NRXN2: variants seen among roughly 807,000 people sequenced by gnomAD.
The protein encoded by NRXN2 is neurexin 2.
Under a neutral mutation model 128.8 loss-of-function variants are expected in NRXN2, and 29 were observed. The observed-to-expected ratio is 0.23, with a 90% CI of 0.17 to 0.31. The LOEUF is 0.31. Among genes scored for constraint, NRXN2 ranks in the 10% least tolerant of loss-of-function variants. The pLI, the probability that NRXN2 is intolerant of heterozygous loss-of-function variation, is 1.00. For missense variants in NRXN2, 1,881 were observed against 2,452.6 expected (o/e 0.77, Z 4.92); for synonymous variants, 1,098 against 1,075.2 (o/e 1.02, Z -0.41).
At chr11:64,645,997 GA>G (rs2046599015) in intron 17 of NRXN2, among the ~76,000 whole-genome samples, 1 of 152,180 alleles carries the variant, frequency 6.6e-6, no homozygotes, top group Non-Finnish European at 1.5e-5. Context: ...ACGTGCCATA[GA>G]AACAGAGCAT....
Position 64,667,210 on chromosome 11 carries a change from G to T in NRXN2, c.1798+40C>A. ...GAGGATGTCAGGGCAGATGGAAAGG[G>T]GTGGCCCATGGAAGGGGAAGGGTCC... On this transcript the variant is annotated intron_variant, in intron 9 of 22. Coordinates refer to ENST00000265459, the MANE Select transcript of NRXN2 (RefSeq NM_015080.4). The surrounding 1 kb of genome is among the most constrained non-coding windows in gnomAD (Gnocchi z 5.6). 1.2e-6 allele frequency: 2 copies of T among 1,600,206 alleles called. No individual in the cohort carries two copies. Among genetic ancestry groups the T allele is most frequent in the Non-Finnish European group, 1.7e-6 (2 of 1,168,058 alleles).
In NRXN2 at chr11:64,630,372, G is replaced by A; in HGVS notation, c.3757+30C>T. 7.3e-7 allele frequency: 1 copy of A among 1,377,302 alleles called. No individual in the cohort carries two copies. Among genetic ancestry groups the A allele is most frequent in the Non-Finnish European group, 9.7e-7 (1 of 1,030,944 alleles). The allele number at this position is 1,377,302 out of a possible 1,614,324, so 85.3% of individuals were successfully genotyped here. A position where few individuals can be genotyped will look rare whatever the true frequency, so the allele number is the denominator to read the frequency against. ...AGAGGCCGCCACCCGCCCCGCCACC[G>A]CGCCTCCTCCGCGGGCCCGCGCCGC... On this transcript the variant is annotated intron_variant, in intron 19 of 22. Coordinates refer to ENST00000265459, the MANE Select transcript of NRXN2 (RefSeq NM_015080.4). The surrounding 1 kb of genome is among the most constrained non-coding windows in gnomAD (Gnocchi z 4.6).
rs759305643 is a variant in NRXN2 at position 64,685,960 on chromosome 11, G to C, written c.851-13C>G. On this transcript the variant is annotated splice_polypyrimidine_tract_variant and intron_variant, in intron 5 of 22. Coordinates refer to ENST00000265459, the MANE Select transcript of NRXN2 (RefSeq NM_015080.4). The stretch of plus-strand genomic sequence containing the variant: ...AACTCCTCCTTGCCTGGATGCCGTG[G>C]TGTGGGGAAACGGGAGAAGGCTGAA... 2.5e-6 allele frequency: 4 copies of C among 1,614,050 alleles called. No individual in the cohort carries two copies. Among genetic ancestry groups the C allele is most frequent in the Non-Finnish European group, 3.4e-6 (4 of 1,180,032 alleles).
chr11:64,698,204 C>A (rs1252779912), intron 2 of NRXN2, among the ~76,000 whole-genome samples: 1 of 152,178 alleles, frequency 6.6e-6, no homozygotes, highest in African/African-American at 2.4e-5. Context: ...CAGATGGGGA[C>A]ACACTCACAC....
At chr11:64,722,495 C>T (rs1159663508) in intron 1 of NRXN2, among the ~76,000 whole-genome samples, 1 of 151,976 alleles carries the variant, frequency 6.6e-6, no homozygotes, top group South Asian at 2.1e-4. Context: ...AAGCCCTTGG[C>T]CTGGCCCCTT....
At chr11:64,716,637 C>T (rs533519476) in intron 1 of NRXN2, among the ~76,000 whole-genome samples, 26 of 152,226 alleles carry the variant, frequency 1.7e-4, no homozygotes, top group African/African-American at 6.0e-4. Flanking sequence ...CAGGGAGGGT[C>T]GGAAGCAGGG....
intron 15 of NRXN2, among the ~76,000 whole-genome samples, chr11:64,649,946 C>T (rs1171318407): frequency 2.0e-5 from 3 of 151,968 alleles, no homozygotes; most frequent in African/African-American, 7.3e-5. Context: ...GAATGTGGCA[C>T]CCTGATGTGA....
At chr11:64,716,172 G>A (rs1292667441) in intron 1 of NRXN2, among the ~76,000 whole-genome samples, 3 of 152,202 alleles carry the variant, frequency 2.0e-5, no homozygotes, top group Admixed American at 6.5e-5. Flanking sequence ...CCCCACCTCC[G>A]GACACTATTT....
chr11:64,624,824 CAATA>C (rs1287607854), intron 20 of NRXN2, among the ~76,000 whole-genome samples: 1 of 152,152 alleles, frequency 6.6e-6, no homozygotes, highest in Non-Finnish European at 1.5e-5. Context: ...TGGATTCATC[CAATA>C]AATATTTATT....
rs146075955 is a variant in NRXN2 at position 64,683,619 on chromosome 11, C to CAAAA, written c.1152+2023_1152+2026dup. Among the ~76,000 whole-genome samples, 3 of 75,680 alleles carry CAAAA rather than the reference C, an allele frequency of 4.0e-5. 1 individual carries two copies. The allele number at this position is 75,680 out of a possible 152,430, so 49.6% of individuals were successfully genotyped here. Reference sequence around the variant, plus strand: ...TGGGCAACAGAGTGAGACTCCATCTCAAAAAAAAAAAAAAAAAGAAAAGAA... The same window carrying CAAAA: ...TGGGCAACAGAGTGAGACTCCATCTCAAAAAAAAAAAAAAAAAAAAAGAAAAGAA... On this transcript the variant is annotated intron_variant, in intron 6 of 22. Transcript: ENST00000265459.
rs1006675171 is a variant in NRXN2, at chr11:64,671,196, G to A, written c.1198-2592C>T. Among the ~76,000 whole-genome samples, 112 of 152,260 alleles carry A rather than the reference G, an allele frequency of 7.4e-4. 1 individual carries two copies. Among genetic ancestry groups the A allele is most frequent in the Non-Finnish European group, 3.5e-4 (24 of 68,018 alleles). ...TTATGACCCAGGGGTGGAGTAGCAG[G>A]AGGAAGGACAACATAAGGAAGTGCC... On this transcript the variant is annotated intron_variant, in intron 7 of 22. Coordinates refer to ENST00000265459, the MANE Select transcript of NRXN2 (RefSeq NM_015080.4).
rs1219333745 is a variant in NRXN2, at chr11:64,607,265, C to G, written c.5070G>C (p.Glu1690Asp). The G allele has an allele frequency of 1.9e-6, 3 of 1,613,768 alleles. No homozygotes were observed. Among genetic ancestry groups the G allele is most frequent in the Non-Finnish European group, 2.5e-6 (3 of 1,179,932 alleles). Residue 1690 changes from glutamate (E) to aspartate (D), a missense_variant, in exon 23 of 23, where the codon GAG (glutamate) becomes GAC (aspartate). By Grantham distance (45) the Glu-to-Asp change is conservative. Transcript: ENST00000265459. ...SAQSNGAVVK[E>D]KAPAAPKTPS... The stretch of plus-strand genomic sequence containing the variant: ...GCGTCTTGGGGGCAGCCGGGGCCTT[C>G]TCTTTCACCACCGCCCCATTGCTCT...
chr11:64,621,751 A>G (rs2042381005), intron 21 of NRXN2, among the ~76,000 whole-genome samples: 2 of 152,184 alleles, frequency 1.3e-5, no homozygotes, highest in Non-Finnish European at 2.9e-5. Flanking sequence ...GGGGTGGCCA[A>G]AAAAGGCCTT....
chr11:64,648,169 G>C lies in NRXN2; in HGVS notation c.3403+50C>G, dbSNP rs764352571. 13 of 1,613,490 alleles carry C rather than the reference G, an allele frequency of 8.1e-6. No homozygotes were observed. The East Asian group carries it at 2.7e-4, about 33-fold the overall frequency. ...CCTCCCTGGCAGCCCCTATGGCTGG[G>C]AATGGACCCTGGTCTCCCCAAACTG... is the stretch of plus-strand genomic sequence containing the variant. On this transcript the variant is annotated intron_variant, in intron 17 of 22. Coordinates refer to ENST00000265459, the MANE Select transcript of NRXN2 (RefSeq NM_015080.4). The surrounding 1 kb of genome is among the most constrained non-coding windows in gnomAD (Gnocchi z 4.1).
chr11:64,676,865 G>A (rs918102583), intron 7 of NRXN2, 128 bp downstream of exon 7: 12 of 737,914 alleles, frequency 1.6e-5, no homozygotes, highest in Non-Finnish European at 2.4e-5. Context: ...TGTCCAGGAC[G>A]CAAAAAACAA....
intron 7 of NRXN2, among the ~76,000 whole-genome samples, chr11:64,673,208 G>C (rs1164581098): frequency 6.6e-6 from 1 of 152,144 alleles, no homozygotes; most frequent in Non-Finnish European, 1.5e-5. Context: ...ATATTCAAAA[G>C]GGGAAAGCTA....
intron 2 of NRXN2, among the ~76,000 whole-genome samples, chr11:64,710,149 C>G (rs2056756295): frequency 6.6e-6 from 1 of 152,118 alleles, no homozygotes; most frequent in Admixed American, 6.6e-5. Flanking sequence ...CTCAAGTAAT[C>G]TGCCCGCTTC....
intron 11 of NRXN2, among the ~76,000 whole-genome samples, chr11:64,658,257 G>A (rs1455105567): frequency 2.0e-5 from 3 of 152,210 alleles, no homozygotes; most frequent in Non-Finnish European, 4.4e-5. Context: ...CATATGCCCA[G>A]GCAAAGTAGG....
At chr11:64,665,289 AAAAG>A (rs59427296) in intron 9 of NRXN2, among the ~76,000 whole-genome samples, 2,590 of 152,158 alleles carry the variant, frequency 0.017, 59 homozygotes, top group African/African-American at 0.058. Flanking sequence ...CAAAAAAAAA[AAAAG>A]AAAGAAAGAA....
Sources: allele counts gnomAD v4.1 joint callset (sites outside exome capture counted in the v4.1 genomes callset), GRCh38; gene constraint gnomAD v4.1.1; non-coding constraint Gnocchi (gnomAD v3.1); transcripts MANE v1.5; gene names NCBI Gene and HGNC (gene_info 2026-07-23, HGNC 2026-07-21).